Variants in PDS5B observed in about 807,000 individuals in gnomAD.
PDS5B encodes sister chromatid cohesion protein PDS5 homolog B.
A neutral mutation model predicts 184.1 loss-of-function variants in PDS5B; 51 were observed. The ratio of observed to expected loss-of-function variants is 0.28; its 90% CI spans 0.22 to 0.35. The LOEUF is 0.35. Ranked by LOEUF, PDS5B falls within the 10% of genes least tolerant of loss-of-function variation. PDS5B has a pLI of 1.00. For missense variants in PDS5B, 1,180 were observed against 1,723.3 expected, an observed-to-expected ratio of 0.68 and a Z score of 5.58; for synonymous variants, 566 against 569.2, an observed-to-expected ratio of 0.99 and a Z score of 0.08.
intron 19 of PDS5B, among the ~76,000 whole-genome samples, chr13:32,722,807 A>C (rs552295521): frequency 6.6e-6 from 1 of 152,356 alleles, no homozygotes; most frequent in East Asian, 1.9e-4. Context: ...GAGCCCTGTC[A>C]GTATCACCCA....
intron 31 of PDS5B, 116 bp downstream of exon 31, chr13:32,764,710 G>A (rs904385029): frequency 7.2e-6 from 4 of 554,794 alleles, no homozygotes; most frequent in Non-Finnish European, 1.2e-5. Flanking sequence ...TTTTATTTTA[G>A]TGGTTTTAAC....
intron 1 of PDS5B, among the ~76,000 whole-genome samples, chr13:32,635,838 G>A (rs1370276456): frequency 2.0e-5 from 3 of 147,302 alleles, no homozygotes; most frequent in African/African-American, 5.0e-5. Context: ...GTGCTATCTC[G>A]GCTCACTGCA....
intron 12 of PDS5B, among the ~76,000 whole-genome samples, chr13:32,687,935 A>G (rs564550725): frequency 2.6e-3 from 397 of 152,330 alleles, no homozygotes; most frequent in African/African-American, 9.3e-3. Context: ...AAACTGGATT[A>G]TCTATGAAAC....
chr13:32,603,827 T>G (rs2058017363), intron 1 of PDS5B, among the ~76,000 whole-genome samples: 1 of 152,222 alleles, frequency 6.6e-6, no homozygotes, highest in African/African-American at 2.4e-5. Flanking sequence ...TACTTAGGTA[T>G]TTTATTCTCT....
chr13:32,642,834 C>G (rs192404941), intron 1 of PDS5B, among the ~76,000 whole-genome samples: 254 of 152,026 alleles, frequency 1.7e-3, no homozygotes, highest in African/African-American at 6.0e-3. Context: ...AGTGGTTTTT[C>G]TTTCAGTCTT....
chr13:32,699,824 A>T lies in PDS5B; in HGVS notation c.1695A>T (p.Val565=). Residue 565 remains valine, a synonymous_variant, in exon 16 of 35, where the codon GTA becomes GTT. Transcript: ENST00000315596. ...DDEKIRKQLE[V]LVSPTCSCKQ... ...AGAAAATAAGAAAGCAGTTAGAAGTACTTGTTAGTCCAACATGCTCCTGCA... is the reference window on the plus strand; with the variant it reads ...AGAAAATAAGAAAGCAGTTAGAAGTTCTTGTTAGTCCAACATGCTCCTGCA... 1.3e-6 allele frequency: 2 copies of T among 1,580,838 alleles called. No individual in the cohort carries two copies. The highest frequency in any genetic ancestry group is 1.7e-6 in the Non-Finnish European group (2 of 1,166,752).
At chr13:32,722,492 C>G (rs997345509) in intron 19 of PDS5B, among the ~76,000 whole-genome samples, 3 of 152,078 alleles carry the variant, frequency 2.0e-5, no homozygotes, top group Non-Finnish European at 4.4e-5. Context: ...ACATGTAGTA[C>G]AAGTTTGTAG....
At chr13:32,752,521 GAC>G (rs1415552838) in intron 24 of PDS5B, among the ~76,000 whole-genome samples, 1 of 152,128 alleles carries the variant, frequency 6.6e-6, no homozygotes, top group Non-Finnish European at 1.5e-5. Context: ...TGGTGGGTAA[GAC>G]AGACATTTAA....
intron 1 of PDS5B, among the ~76,000 whole-genome samples, chr13:32,610,472 C>CT (rs1192009312): frequency 6.6e-6 from 1 of 152,148 alleles, no homozygotes; most frequent in Non-Finnish European, 1.5e-5. Flanking sequence ...AACAGTTACT[C>CT]TGATATTTTG....
At chr13:32,695,861 T>C (rs1951686860) in intron 14 of PDS5B, among the ~76,000 whole-genome samples, 1 of 152,064 alleles carries the variant, frequency 6.6e-6, no homozygotes. Context: ...TTAGTTCTTT[T>C]CTACAGTGTG....
chr13:32,611,069 G>A (rs746001444), intron 1 of PDS5B, among the ~76,000 whole-genome samples: 1 of 150,710 alleles, frequency 6.6e-6, no homozygotes, highest in Non-Finnish European at 1.5e-5. Flanking sequence ...TTTTACTTAT[G>A]TGAATTGATC....
intron 1 of PDS5B, among the ~76,000 whole-genome samples, chr13:32,587,426 GTTA>G (rs932057717): frequency 1.3e-5 from 2 of 152,176 alleles, no homozygotes; most frequent in Non-Finnish European, 2.9e-5. Flanking sequence ...ATTGTGACTC[GTTA>G]TTGTTTTTAC....
chr13:32,738,355 T>C (rs1290264056), intron 21 of PDS5B, among the ~76,000 whole-genome samples: 3 of 152,214 alleles, frequency 2.0e-5, no homozygotes, highest in East Asian at 3.8e-4. Context: ...AATAATGTTA[T>C]TATACACTGT....
At position 32,595,073 on chromosome 13, in the gene PDS5B, A is replaced by G. The variant is rs373632920; in HGVS notation, c.-20+8480A>G. On this transcript the variant is annotated intron_variant, in intron 1 of 34. Transcript: ENST00000315596. Reference sequence around the variant, plus strand: ...CTTTTTCTAGTGCACTGTTGGACACAACACCTCCAGTACAATATATCCCAA... The same window carrying G: ...CTTTTTCTAGTGCACTGTTGGACACGACACCTCCAGTACAATATATCCCAA... Among the ~76,000 whole-genome samples the G allele has an allele frequency of 6.9e-4, 105 of 152,288 alleles. 2 individuals are homozygous for G. In the South Asian group the frequency reaches 0.02, roughly 30 times the overall value.
At chr13:32,768,251 A>T (rs1055893391) in intron 31 of PDS5B, among the ~76,000 whole-genome samples, 3 of 152,172 alleles carry the variant, frequency 2.0e-5, no homozygotes, top group African/African-American at 7.2e-5. Context: ...TGGGTTACAG[A>T]TGCCACCTTC....
chr13:32,652,238 G>A (rs1950383928), intron 3 of PDS5B: 3 of 385,610 alleles, frequency 7.8e-6, no homozygotes, highest in Non-Finnish European at 1.4e-5. Flanking sequence ...TTTATATCAT[G>A]TCATCATTAG....
At chr13:32,621,923 T>A (rs1331718633) in intron 1 of PDS5B, among the ~76,000 whole-genome samples, 1 of 152,168 alleles carries the variant, frequency 6.6e-6, no homozygotes, top group Non-Finnish European at 1.5e-5. Flanking sequence ...AGTTTGCCAG[T>A]CTCTGGTTTG....
intron 1 of PDS5B, among the ~76,000 whole-genome samples, chr13:32,642,378 GAT>G (rs1474298636): frequency 6.6e-6 from 1 of 152,172 alleles, no homozygotes; most frequent in African/African-American, 2.4e-5. Context: ...GAGAGACAAA[GAT>G]AGAAATAAGT....
At position 32,679,884 on chromosome 13, in the gene PDS5B, AGTGTGTGTGT is replaced by A. The variant is rs34635708; in HGVS notation, c.1057+978_1057+987del. ...TTCCCTCCTTTCCTCTTCGTCTGTG[AGTGTGTGTGT>A]GTGTGTGTGTGTGTGTGTGTGTCTG... On this transcript the variant is annotated intron_variant, in intron 10 of 34. Transcript: ENST00000315596. 9.6e-3 allele frequency among the ~76,000 whole-genome samples: 1,374 copies of A among 143,728 alleles called. 29 individuals carry two copies. Among genetic ancestry groups the A allele is most frequent in the African/African-American group, 0.035 (1,321 of 37,890 alleles). 94.3% of individuals were successfully genotyped at this position (143,728 alleles called of 152,430 possible). A position where few individuals can be genotyped will look rare whatever the true frequency, so the allele number is the denominator to read the frequency against.
Sources: gnomAD v4.1 joint callset for allele counts (sites outside exome capture counted in the v4.1 genomes callset) on GRCh38, gnomAD v4.1.1 for gene constraint, MANE v1.5 for transcripts, NCBI Gene and HGNC (gene_info 2026-07-23, HGNC 2026-07-21) for gene names.